CFAP58: variants seen among roughly 807,000 people sequenced by gnomAD.
CFAP58 encodes the protein cilia- and flagella-associated protein 58.
In CFAP58, 88 loss-of-function variants were observed where a neutral mutation model predicts 119.5. The observed-to-expected ratio is 0.74, with a 90% CI of 0.62 to 0.88. The LOEUF is 0.88. CFAP58 is among the 40% of genes least tolerant of loss of function. The probability of loss-of-function intolerance (pLI) is 0.00; values close to 1 mark genes in which losing one functional copy is unlikely to be tolerated. For missense variants in CFAP58, 990 were observed against 1,021.2 expected (o/e 0.97, Z 0.42); for synonymous variants, 365 against 366.3 (o/e 1.00, Z 0.04).
chr10:104,393,307 AT>A, intron 10 of CFAP58, 21 bp from the exon 11 acceptor site: 1 of 1,602,280 alleles, frequency 6.2e-7, no homozygotes, highest in Non-Finnish European at 8.5e-7. Context: ...ACTTTCAAAC[AT>A]TTCTCCTTTC....
chr10:104,393,221 C>T, intron 10 of CFAP58, 108 bp from the exon 11 acceptor site: 1 of 971,724 alleles, frequency 1.0e-6, no homozygotes, highest in Non-Finnish European at 1.5e-6. Flanking sequence ...ATCAAGAGAC[C>T]ATTGTTTTGA....
chr10:104,408,851 C>T (rs181362480), intron 15 of CFAP58, among the ~76,000 whole-genome samples: 27 of 152,186 alleles, frequency 1.8e-4, no homozygotes, highest in African/African-American at 6.5e-4. Context: ...ATAATCCCAG[C>T]GCGTTGGGAG....
intron 9 of CFAP58, among the ~76,000 whole-genome samples, chr10:104,389,557 C>A (rs1214062608): frequency 6.6e-6 from 1 of 152,158 alleles, no homozygotes; most frequent in East Asian, 1.9e-4. Context: ...AAGCATTAAC[C>A]TTTCAGTCTT....
chr10:104,380,851 G>GA (rs1288627350), intron 9 of CFAP58, among the ~76,000 whole-genome samples: 4 of 151,946 alleles, frequency 2.6e-5, no homozygotes, highest in Non-Finnish European at 4.4e-5. Context: ...AATTAAAAAG[G>GA]AAAAAAACTA....
chr10:104,374,202 A>G (rs1589913107), intron 7 of CFAP58, among the ~76,000 whole-genome samples: 1 of 152,062 alleles, frequency 6.6e-6, no homozygotes, highest in Admixed American at 6.6e-5. Flanking sequence ...GCTCACGCCT[A>G]TAATCCCAGC....
chr10:104,350,729 A>C (rs573034308), upstream of CFAP58, among the ~76,000 whole-genome samples: 2 of 152,344 alleles, frequency 1.3e-5, no homozygotes, highest in South Asian at 4.1e-4. Context: ...TTAACTGTAG[A>C]TGTTCCCTTC....
At chr10:104,357,399 A>C (rs138673692) in intron 1 of CFAP58, among the ~76,000 whole-genome samples, 15 of 152,322 alleles carry the variant, frequency 9.8e-5, no homozygotes, top group Admixed American at 2.0e-4. Flanking sequence ...TTGGGAGATA[A>C]GTGCATATTT....
At chr10:104,350,345 G>T (rs767252298), upstream of CFAP58, among the ~76,000 whole-genome samples, 2 of 152,202 alleles carry the variant, frequency 1.3e-5, no homozygotes, top group Non-Finnish European at 2.9e-5. Context: ...TGAGGACTTT[G>T]ATACTATAAT....
At chr10:104,413,957 C>T (rs995725366) in intron 15 of CFAP58, among the ~76,000 whole-genome samples, 3 of 152,120 alleles carry the variant, frequency 2.0e-5, no homozygotes, top group African/African-American at 7.2e-5. Flanking sequence ...GTAACAAGTT[C>T]AAATGCACTT....
intron 9 of CFAP58, among the ~76,000 whole-genome samples, chr10:104,380,903 C>T (rs1019245884): frequency 1.3e-5 from 2 of 152,046 alleles, no homozygotes; most frequent in African/African-American, 4.8e-5. Context: ...AATCCCAGCA[C>T]TCTGGGAGTC....
In CFAP58 at chr10:104,358,353, A is replaced by C; in HGVS notation, c.22A>C (p.Lys8Gln). The C allele has an allele frequency of 6.2e-7, 1 of 1,610,616 alleles. No homozygotes were observed. Among genetic ancestry groups the C allele is most frequent in the Non-Finnish European group, 8.5e-7 (1 of 1,177,560 alleles). The change falls in exon 2 of 18, where the codon AAG becomes CAG. Residue 8 changes from lysine (K) to glutamine (Q), a missense_variant. By Grantham distance (53) the Lys-to-Gln change is moderately conservative. Transcript: ENST00000369704. ...TTTTTTTCTATAGGAAAAGGGTGGA[A>C]AGCAAGTCCTGGAAGAATCTGCATT... MAEEKGG[K>Q]QVLEESAFEE... is the part of the protein sequence containing the mutation.
chr10:104,430,371 G>C (rs1193532036), intron 15 of CFAP58, among the ~76,000 whole-genome samples: 2 of 152,144 alleles, frequency 1.3e-5, no homozygotes, highest in African/African-American at 4.8e-5. Context: ...ATAGTCCACG[G>C]GGCAACAGAA....
At chr10:104,453,077 T>C (rs935400106) in intron 17 of CFAP58, among the ~76,000 whole-genome samples, 1 of 152,164 alleles carries the variant, frequency 6.6e-6, no homozygotes, top group East Asian at 1.9e-4. Context: ...GTATTCCCAT[T>C]AGTCAGCTTA....
intron 10 of CFAP58, 137 bp downstream of exon 10, chr10:104,392,531 C>T (rs762741244): frequency 1.2e-4 from 65 of 539,520 alleles, no homozygotes; most frequent in African/African-American, 3.6e-4. Context: ...GATCAATTTA[C>T]GCAAAACTGT....
At chr10:104,338,945 G>A in the CFAP58 span, among the ~76,000 whole-genome samples, 1 of 135,678 alleles carries the variant, frequency 7.4e-6, no homozygotes, top group Admixed American at 7.4e-5. Context: ...CGCTCTTGTT[G>A]CCCAGGCTGG....
chr10:104,398,814 A>G (rs955622108), intron 11 of CFAP58, among the ~76,000 whole-genome samples: 5 of 152,216 alleles, frequency 3.3e-5, no homozygotes, highest in Non-Finnish European at 7.3e-5. Flanking sequence ...TAGGATCTAT[A>G]TATCTTTTTA....
chr10:104,417,970 T>G (rs1490295488), intron 15 of CFAP58, among the ~76,000 whole-genome samples: 1 of 152,212 alleles, frequency 6.6e-6, no homozygotes, highest in Non-Finnish European at 1.5e-5. Flanking sequence ...TGTTTTTATA[T>G]GGCCTGCACC....
At chr10:104,453,183 C>T (rs1277851809) in intron 17 of CFAP58, among the ~76,000 whole-genome samples, 1 of 152,074 alleles carries the variant, frequency 6.6e-6, no homozygotes, top group Non-Finnish European at 1.5e-5. Flanking sequence ...AGTGATGCCG[C>T]CTCTAACACC....
At chr10:104,357,892 CATATATGTACACATAT>C (rs2014584490) in intron 1 of CFAP58, among the ~76,000 whole-genome samples, 1 of 119,374 alleles carries the variant, frequency 8.4e-6, no homozygotes, top group Middle Eastern at 4.7e-3. Context: ...CATATATAAA[CATATATGTACACATAT>C]ACACACATAT....
Sources: gnomAD v4.1 joint callset for allele counts (sites outside exome capture counted in the v4.1 genomes callset) on GRCh38, gnomAD v4.1.1 for gene constraint, MANE v1.5 for transcripts, NCBI Gene and HGNC (gene_info 2026-07-23, HGNC 2026-07-21) for gene names.